Variants in POC1B observed in about 807,000 individuals in gnomAD.
The protein encoded by POC1B is POC1 centriolar protein B, also known as POC1 centriolar protein homolog B.
POC1B carries 44 observed loss-of-function variants against 60.6 expected under a neutral mutation model. The observed-to-expected ratio is 0.73, with a 90% CI of 0.57 to 0.93. The LOEUF is 0.93. Among genes scored for constraint, POC1B ranks in the 40% least tolerant of loss-of-function variants. The probability of loss-of-function intolerance (pLI) is 0.00; values close to 1 mark genes in which losing one functional copy is unlikely to be tolerated. For missense variants in POC1B, 555 were observed against 572.3 expected (o/e 0.97, Z 0.31); for synonymous variants, 180 against 198.9 (o/e 0.90, Z 0.80).
chr12:89,432,613 T>A (rs1881084650), intron 10 of POC1B, among the ~76,000 whole-genome samples: 2 of 152,224 alleles, frequency 1.3e-5, no homozygotes, highest in South Asian at 4.1e-4. Flanking sequence ...TGTGATGTAA[T>A]GCTAGGTGAC....
At chr12:89,436,968 CA>C (rs1881296891) in intron 10 of POC1B, among the ~76,000 whole-genome samples, 1 of 152,294 alleles carries the variant, frequency 6.6e-6, no homozygotes, top group Non-Finnish European at 1.5e-5. Context: ...TCCTAATAAA[CA>C]GTGCCATTAT....
intron 4 of POC1B, among the ~76,000 whole-genome samples, chr12:89,476,789 A>G (rs1235526030): frequency 2.0e-5 from 3 of 149,816 alleles, no homozygotes; most frequent in Non-Finnish European, 4.4e-5. Flanking sequence ...CACTTTTATA[A>G]AAAATTCAAA....
At chr12:89,504,589 A>G (rs1297757077) in intron 2 of POC1B, among the ~76,000 whole-genome samples, 1 of 125,116 alleles carries the variant, frequency 8.0e-6, no homozygotes, top group African/African-American at 3.1e-5. Context: ...AGAAACACCC[A>G]AGAATGATCA....
At chr12:89,483,198 G>A (rs1384714608) in intron 4 of POC1B, among the ~76,000 whole-genome samples, 1 of 152,112 alleles carries the variant, frequency 6.6e-6, no homozygotes, top group Admixed American at 6.5e-5. Flanking sequence ...TACCATGTCC[G>A]ACATGCTATT....
chr12:89,411,835 T>C, the POC1B span, among the ~76,000 whole-genome samples: 1 of 152,180 alleles, frequency 6.6e-6, no homozygotes, highest in Non-Finnish European at 1.5e-5. Flanking sequence ...ACACAGTTGT[T>C]ATTAGTGTTC....
intron 3 of POC1B, among the ~76,000 whole-genome samples, chr12:89,493,010 C>A (rs142808705): frequency 6.6e-5 from 10 of 152,164 alleles, no homozygotes; most frequent in Non-Finnish European, 7.3e-5. Context: ...TAAATCCCAG[C>A]GTAAATGTGT....
chr12:89,503,960 C>G (rs540657725), intron 2 of POC1B, among the ~76,000 whole-genome samples: 1 of 148,416 alleles, frequency 6.7e-6, no homozygotes, highest in East Asian at 2.0e-4. Context: ...CGTCTCCGCC[C>G]GGCAGCCGCC....
At chr12:89,518,845 T>C (rs773628651) in intron 2 of POC1B, among the ~76,000 whole-genome samples, 1 of 152,176 alleles carries the variant, frequency 6.6e-6, no homozygotes, top group African/African-American at 2.4e-5. Context: ...TTTAAGTGTA[T>C]AAAAATTAGT....
Position 89,425,201 on chromosome 12 carries a change from G to A in POC1B, c.1292C>T (p.Ala431Val), listed in dbSNP as rs751369563. 6.2e-7 allele frequency: 1 copy of A among 1,614,148 alleles called. No homozygotes were observed. The highest frequency in any genetic ancestry group is 2.2e-5 in the East Asian group (1 of 44,880). Reference sequence around the variant, plus strand: ...GAGTTGTTCCATAATATGCTCTAAAGCATCAGTCACAGCGAGAGGTATGCT... The same window carrying A: ...GAGTTGTTCCATAATATGCTCTAAAACATCAGTCACAGCGAGAGGTATGCT... ...QRSIPLAVTD[A>V]LEHIMEQLNV... The change falls in exon 11 of 12, where the codon GCT becomes GTT. Residue 431 changes from alanine to valine, a missense_variant. Physicochemically the swap from Ala to Val is moderately conservative, Grantham distance 64. Transcript: ENST00000313546.
intron 2 of POC1B, among the ~76,000 whole-genome samples, chr12:89,498,196 A>G (rs906528417): frequency 6.6e-6 from 1 of 152,222 alleles, no homozygotes; most frequent in African/African-American, 2.4e-5. Flanking sequence ...CTGCTCTATA[A>G]TTTAATGGCA....
At chr12:89,445,515 C>A (rs1038247036) in intron 10 of POC1B, among the ~76,000 whole-genome samples, 2 of 152,244 alleles carry the variant, frequency 1.3e-5, no homozygotes, top group East Asian at 1.9e-4. Context: ...GAAAGGATTC[C>A]CTATTTAATA....
chr12:89,501,039 G>A, intron 2 of POC1B: 1 of 1,047,280 alleles, frequency 9.5e-7, no homozygotes, highest in Non-Finnish European at 1.5e-6. Flanking sequence ...TCAAAGTTTT[G>A]CCAGTAGATC....
At chr12:89,480,292 A>T (rs1883273046) in intron 4 of POC1B, among the ~76,000 whole-genome samples, 1 of 152,038 alleles carries the variant, frequency 6.6e-6, no homozygotes, top group Non-Finnish European at 1.5e-5. Context: ...GCATGCCACC[A>T]TGCCCAGATA....
chr12:89,460,349 A>C, intron 9 of POC1B, among the ~76,000 whole-genome samples: 1 of 152,218 alleles, frequency 6.6e-6, no homozygotes, highest in East Asian at 1.9e-4. Context: ...AACATTAAAA[A>C]AGGCTCAAAT....
At chr12:89,509,693 CT>C (rs972811015) in intron 2 of POC1B, among the ~76,000 whole-genome samples, 37 of 152,152 alleles carry the variant, frequency 2.4e-4, no homozygotes, top group Non-Finnish European at 4.1e-4. Flanking sequence ...TCTTGCCCTC[CT>C]TTTTTCCATA....
At chr12:89,431,849 G>A (rs927505817) in intron 10 of POC1B, among the ~76,000 whole-genome samples, 2 of 152,110 alleles carry the variant, frequency 1.3e-5, no homozygotes, top group East Asian at 1.9e-4. Flanking sequence ...CAGGATTAAC[G>A]GGGCTAAAAA....
At chr12:89,481,062 ATTGT>A (rs1868352615) in intron 4 of POC1B, among the ~76,000 whole-genome samples, 3 of 102,476 alleles carry the variant, frequency 2.9e-5, no homozygotes, top group Non-Finnish European at 4.4e-5. Flanking sequence ...TTAGGGCCTA[ATTGT>A]TAGGGCCATG....
chr12:89,498,712 T>G (rs775725689), intron 2 of POC1B, among the ~76,000 whole-genome samples: 1 of 152,184 alleles, frequency 6.6e-6, no homozygotes, highest in Non-Finnish European at 1.5e-5. Flanking sequence ...TAAAGATTTA[T>G]AGCAGAGTCA....
At chr12:89,497,448 A>T in intron 2 of POC1B, 106 bp from the exon 3 acceptor site, 1 of 1,201,348 alleles carries the variant, frequency 8.3e-7, no homozygotes, top group East Asian at 2.5e-5. Flanking sequence ...CAGGTAATAG[A>T]GCGGCTGGAG....
Sources: gnomAD v4.1 joint callset for allele counts (sites outside exome capture counted in the v4.1 genomes callset) on GRCh38, gnomAD v4.1.1 for gene constraint, MANE v1.5 for transcripts, NCBI Gene and HGNC (gene_info 2026-07-23, HGNC 2026-07-21) for gene names.